APBA1: variants seen among roughly 807,000 people sequenced by gnomAD.
The protein encoded by APBA1 is amyloid-beta A4 precursor protein-binding family A member 1.
A neutral mutation model predicts 86.6 loss-of-function variants in APBA1; 55 were observed. The ratio of observed to expected loss-of-function variants is 0.64; its 90% CI spans 0.51 to 0.80. The LOEUF is 0.80. Ranked by LOEUF, APBA1 falls within the 30% of genes least tolerant of loss-of-function variation. The probability of loss-of-function intolerance (pLI) is 0.00; values close to 1 mark genes in which losing one functional copy is unlikely to be tolerated. For synonymous variants in APBA1, 511 were observed against 493.9 expected, an observed-to-expected ratio of 1.03 and a Z score of -0.46; for missense variants, 1,090 against 1,183.0, an observed-to-expected ratio of 0.92 and a Z score of 1.15.
chr9:69,652,184 T>C lies in APBA1; in HGVS notation c.-70+19969A>G, dbSNP rs1823516790. Among the ~76,000 whole-genome samples the C allele has an allele frequency of 2.0e-5, 3 of 152,298 alleles. No individual in the cohort carries two copies. In the South Asian group the frequency reaches 6.2e-4, roughly 32 times the overall value. The stretch of plus-strand genomic sequence containing the variant: ...AGAACTGGGAGAAAATAAACGTCTG[T>C]TGTTTAAGCCACCCAGTCTATGGTA... On this transcript the variant is annotated intron_variant, in intron 1 of 12. Coordinates refer to ENST00000265381, the MANE Select transcript of APBA1 (RefSeq NM_001163.4).
chr9:69,472,745 A>G (rs1015222166), intron 3 of APBA1, among the ~76,000 whole-genome samples: 2 of 152,176 alleles, frequency 1.3e-5, no homozygotes, highest in African/African-American at 4.8e-5. Flanking sequence ...GGTGCCTGGC[A>G]GGCTGGATGA....
chr9:69,456,508 C>T, intron 7 of APBA1, 76 bp from the exon 8 acceptor site: 3 of 1,438,884 alleles, frequency 2.1e-6, no homozygotes, highest in Non-Finnish European at 2.8e-6. Flanking sequence ...CACCTTACAG[C>T]CAGTCAAGTA....
At position 69,484,679 on chromosome 9, in the gene APBA1, T is replaced by A. The variant is rs186728989; in HGVS notation, c.1201-8536A>T. 7.8e-3 allele frequency among the ~76,000 whole-genome samples: 1,191 copies of A among 152,272 alleles called. 26 individuals carry two copies. Among genetic ancestry groups the A allele is most frequent in the Admixed American group, 0.027 (413 of 15,304 alleles). On this transcript the variant is annotated intron_variant, in intron 2 of 12. Coordinates refer to ENST00000265381, the MANE Select transcript of APBA1 (RefSeq NM_001163.4). ...CATGCTGTGTAATCATCTGTTCACG[T>A]TATGCCCCTTCTCCCCCAAGAGCTC...
intron 8 of APBA1, among the ~76,000 whole-genome samples, chr9:69,453,485 A>G (rs1257101090): frequency 6.6e-6 from 1 of 152,240 alleles, no homozygotes; most frequent in Admixed American, 6.5e-5. Flanking sequence ...AGAGCAACTG[A>G]GCACTTCTCA....
intron 2 of APBA1, among the ~76,000 whole-genome samples, chr9:69,482,982 G>T (rs561998456): frequency 0.045 from 4,813 of 106,632 alleles, 103 homozygotes; most frequent in African/African-American, 0.16. Flanking sequence ...GGTGGGGGGA[G>T]GGGGGAGGGA....
At chr9:69,631,374 T>A (rs987756222) in intron 1 of APBA1, among the ~76,000 whole-genome samples, 6 of 152,182 alleles carry the variant, frequency 3.9e-5, no homozygotes, top group African/African-American at 2.4e-5. Context: ...TCACACCAGT[T>A]AGAATGGCAA....
At chr9:69,495,494 C>T (rs574000944) in intron 2 of APBA1, among the ~76,000 whole-genome samples, 1 of 152,076 alleles carries the variant, frequency 6.6e-6, no homozygotes, top group African/African-American at 2.4e-5. Flanking sequence ...TTGTTAGATA[C>T]CCGAGTCAAT....
chr9:69,519,890 T>G (rs1836225120), intron 1 of APBA1, among the ~76,000 whole-genome samples: 1 of 152,248 alleles, frequency 6.6e-6, no homozygotes, highest in Non-Finnish European at 1.5e-5. Flanking sequence ...GGAACTTCCT[T>G]GCGTGTATAT....
chr9:69,559,516 T>G (rs967535233), intron 1 of APBA1, among the ~76,000 whole-genome samples: 5 of 152,240 alleles, frequency 3.3e-5, no homozygotes, highest in African/African-American at 9.6e-5. Context: ...CTGAACATGT[T>G]TGTGAGACTA....
In APBA1 at chr9:69,476,102, T is replaced by C. The variant is rs532505436; in HGVS notation, c.1242A>G (p.Ser414=). The C allele has an allele frequency of 4.3e-6, 7 of 1,614,084 alleles. No homozygotes were observed. In the South Asian group the frequency reaches 7.7e-5, roughly 18 times the overall value. The part of the protein sequence containing the change: ...PGSSSPLGAE[S]SSTSLHPSDP... Reference sequence around the variant, plus strand: ...CACTGGGGTGAAGAGATGTGCTTGATGACTCTGCACCCAAGGGGGAGGAGC... The same window carrying C: ...CACTGGGGTGAAGAGATGTGCTTGACGACTCTGCACCCAAGGGGGAGGAGC... The change falls in exon 3 of 13, where the codon TCA becomes TCG. Residue 414 remains serine (S), a synonymous_variant. Coordinates refer to ENST00000265381, the MANE Select transcript of APBA1 (RefSeq NM_001163.4).
intron 1 of APBA1, among the ~76,000 whole-genome samples, chr9:69,532,350 G>A (rs1836447400): frequency 6.6e-6 from 1 of 152,182 alleles, no homozygotes; most frequent in South Asian, 2.1e-4. Context: ...ACATGTAGGT[G>A]GGCCACAAGT....
In APBA1 at chr9:69,517,258, GCT is replaced by G; in HGVS notation, c.-50_-49del. 7.0e-7 allele frequency: 1 copy of G among 1,419,450 alleles called. No homozygotes were observed. The allele number at this position is 1,419,450 out of a possible 1,614,324, so 87.9% of individuals were successfully genotyped here. ...AGAGAAGCTGGGCCCGGCTCACTGC[GCT>G]CTCATTTTGCTCCACTGGGCTGGAA... On this transcript the variant is annotated 5_prime_UTR_variant, in exon 2 of 13. The change abolishes the stop of an existing upstream ORF in the 5' untranslated region. Coordinates refer to ENST00000265381, the MANE Select transcript of APBA1 (RefSeq NM_001163.4).
intron 2 of APBA1, among the ~76,000 whole-genome samples, chr9:69,487,444 G>A (rs903160089): frequency 1.3e-5 from 2 of 152,074 alleles, no homozygotes; most frequent in Non-Finnish European, 2.9e-5. Flanking sequence ...GTCACAGAAA[G>A]TCACAAATGA....
intron 8 of APBA1, among the ~76,000 whole-genome samples, chr9:69,454,413 T>C (rs1282612000): frequency 4.6e-5 from 7 of 152,224 alleles, no homozygotes; most frequent in Non-Finnish European, 1.0e-4. Context: ...CTGAGATTTA[T>C]GGACCACTAG....
At position 69,556,899 on chromosome 9, in the gene APBA1, C is replaced by T. The variant is rs943451735; in HGVS notation, c.-69-39620G>A. Among the ~76,000 whole-genome samples the T allele has an allele frequency of 3.9e-5, 6 of 152,148 alleles. No individual in the cohort carries two copies. The East Asian group carries it at 5.8e-4, about 15-fold the overall frequency. On this transcript the variant is annotated intron_variant, in intron 1 of 12. Coordinates refer to ENST00000265381, the MANE Select transcript of APBA1 (RefSeq NM_001163.4). ...TCATTTCAAGCTTGAAGGAGGTTACCTATGGGAGACTGCCAGATCGCTTCA... is the reference window on the plus strand; with the variant it reads ...TCATTTCAAGCTTGAAGGAGGTTACTTATGGGAGACTGCCAGATCGCTTCA...
At chr9:69,564,115 C>A (rs1836989289) in intron 1 of APBA1, among the ~76,000 whole-genome samples, 1 of 152,160 alleles carries the variant, frequency 6.6e-6, no homozygotes, top group African/African-American at 2.4e-5. Flanking sequence ...TTCTGTATTT[C>A]TAATAAGCAC....
intron 1 of APBA1, among the ~76,000 whole-genome samples, chr9:69,653,023 A>AC (rs72538845): frequency 7.3e-5 from 11 of 151,682 alleles, no homozygotes; most frequent in South Asian, 2.1e-4. Context: ...GCAAAAAAAA[A>AC]ACAAAAAAAC....
intron 1 of APBA1, among the ~76,000 whole-genome samples, chr9:69,587,685 C>G (rs975176177): frequency 4.6e-5 from 7 of 152,148 alleles, no homozygotes; most frequent in Middle Eastern, 3.2e-3. Context: ...CCACGACCCA[C>G]CTTTGGTAGC....
intron 1 of APBA1, among the ~76,000 whole-genome samples, chr9:69,534,357 A>G (rs1836477039): frequency 6.6e-6 from 1 of 152,194 alleles, no homozygotes; most frequent in East Asian, 1.9e-4. Flanking sequence ...CTATTCAAAG[A>G]CATAAAAGTG....
Sources: gnomAD v4.1 joint callset for allele counts (sites outside exome capture counted in the v4.1 genomes callset) on GRCh38, gnomAD v4.1.1 for gene constraint, MANE v1.5 for transcripts, NCBI Gene and HGNC (gene_info 2026-07-23, HGNC 2026-07-21) for gene names.